The following SP6 variants were observed in gnomAD, a reference collection of about 807,000 sequenced individuals.
The protein encoded by SP6 is Sp6 transcription factor.
In SP6, 10 loss-of-function variants were observed where a neutral mutation model predicts 23.4. The ratio of observed to expected loss-of-function variants is 0.43; its 90% CI spans 0.26 to 0.72. The LOEUF (loss-of-function observed/expected upper bound fraction) is 0.72. Among genes scored for constraint, SP6 ranks in the 30% least tolerant of loss-of-function variants. SP6 has a pLI of 0.23. For synonymous variants in SP6, 238 were observed against 238.7 expected (o/e 1.00, Z 0.03); for missense variants, 482 against 523.8 (o/e 0.92, Z 0.78).
the SP6 span, among the ~76,000 whole-genome samples, chr17:47,868,575 G>A: frequency 1.3e-5 from 2 of 152,168 alleles, no homozygotes; most frequent in African/African-American, 2.4e-5. Flanking sequence ...TCACACTCAC[G>A]AGGCCCTCAC....
the SP6 span, among the ~76,000 whole-genome samples, chr17:47,862,217 G>C: frequency 3.6e-4 from 55 of 152,130 alleles, 1 homozygote; most frequent in Admixed American, 1.9e-3. Flanking sequence ...GGTGGCGGGT[G>C]CCTATAATCC....
chr17:47,863,923 A>G, the SP6 span, among the ~76,000 whole-genome samples: 29,223 of 149,308 alleles, frequency 0.2, 3,708 homozygotes, highest in Non-Finnish European at 0.28. Flanking sequence ...TATTTTTAGT[A>G]GAGATGGGGT....
At chr17:47,854,401 G>C (rs1475368022), upstream of SP6, among the ~76,000 whole-genome samples, 8 of 152,186 alleles carry the variant, frequency 5.3e-5, no homozygotes, top group East Asian at 1.5e-3. Flanking sequence ...ATCTACCCAA[G>C]ATTACAGAGT....
the SP6 span, among the ~76,000 whole-genome samples, chr17:47,873,931 T>C: frequency 6.7e-6 from 1 of 149,540 alleles, no homozygotes; most frequent in Non-Finnish European, 1.5e-5. Flanking sequence ...TTCTTCTTCC[T>C]TCTCTTCTCC....
At chr17:47,866,850 G>A in the SP6 span, among the ~76,000 whole-genome samples, 2 of 152,268 alleles carry the variant, frequency 1.3e-5, no homozygotes, top group African/African-American at 2.4e-5. Context: ...GGCAAGGAGA[G>A]GGCAGTGGGG....
At chr17:47,861,422 T>A in the SP6 span, among the ~76,000 whole-genome samples, 2 of 152,162 alleles carry the variant, frequency 1.3e-5, no homozygotes. Context: ...ATCTTTCAAG[T>A]GCCTAGAGTA....
the SP6 span, among the ~76,000 whole-genome samples, chr17:47,865,846 T>C: frequency 6.6e-6 from 1 of 151,944 alleles, no homozygotes; most frequent in Non-Finnish European, 1.5e-5. Flanking sequence ...CCATTTCACC[T>C]CTCCTGGTCT....
At chr17:47,866,860 G>A in the SP6 span, among the ~76,000 whole-genome samples, 1 of 152,174 alleles carries the variant, frequency 6.6e-6, no homozygotes, top group Non-Finnish European at 1.5e-5. Flanking sequence ...GGGCAGTGGG[G>A]AGATGGAAAG....
the SP6 span, among the ~76,000 whole-genome samples, chr17:47,873,344 G>C: frequency 1.3e-5 from 2 of 152,140 alleles, no homozygotes. Context: ...AGATGAAAGA[G>C]CCCAAAGTAC....
the SP6 span, among the ~76,000 whole-genome samples, chr17:47,867,635 C>T: frequency 6.6e-6 from 1 of 151,442 alleles, no homozygotes; most frequent in Non-Finnish European, 1.5e-5. Flanking sequence ...CCCCCATGGA[C>T]CCACTCAGCT....
chr17:47,853,641 C>T (rs2033978044), upstream of SP6, among the ~76,000 whole-genome samples: 1 of 152,232 alleles, frequency 6.6e-6, no homozygotes, highest in Middle Eastern at 3.4e-3. Context: ...GGATTCAGCC[C>T]GAGGATGGTA....
At chr17:47,860,828 C>G (rs2143668442), upstream of SP6, among the ~76,000 whole-genome samples, 1 of 152,352 alleles carries the variant, frequency 6.6e-6, no homozygotes, top group Non-Finnish European at 1.5e-5. Context: ...GACCCTTCCT[C>G]TTTCACCCTG....
chr17:47,852,285 A>T (rs999939932), upstream of SP6, among the ~76,000 whole-genome samples: 4 of 152,062 alleles, frequency 2.6e-5, no homozygotes, highest in African/African-American at 7.2e-5. Context: ...CAAGATCTGG[A>T]TGGGTCGACA....
the SP6 span, among the ~76,000 whole-genome samples, chr17:47,873,130 T>G: frequency 3.3e-5 from 5 of 152,070 alleles, no homozygotes; most frequent in African/African-American, 1.2e-4. Flanking sequence ...GCAAACCAAA[T>G]GCAAATACAT....
In SP6 at chr17:47,848,421, G is replaced by T. The variant is rs750092295; in HGVS notation, c.9C>A (p.Thr3=). Residue 3 remains threonine, a synonymous_variant, in exon 2 of 2, where the codon ACC becomes ACA. Transcript: ENST00000536300. The surrounding 1 kb of genome is among the most constrained non-coding windows in gnomAD (Gnocchi z 5.3). ...GGCTGCCCAGAGAGCCGCAGACAGC[G>T]GTTAGCATTGCCGGGATCCGGGGTG... ML[T]AVCGSLGSQH... 1.3e-6 allele frequency: 2 copies of T among 1,512,842 alleles called. No individual in the cohort carries two copies. Among genetic ancestry groups the T allele is most frequent in the East Asian group, 2.4e-5 (1 of 41,318 alleles). The allele number at this position is 1,512,842 out of a possible 1,614,324, so 93.7% of individuals were successfully genotyped here.
chr17:47,859,786 G>A (rs942370610), upstream of SP6, among the ~76,000 whole-genome samples: 5 of 152,222 alleles, frequency 3.3e-5, no homozygotes, highest in Admixed American at 3.3e-4. Flanking sequence ...TGCAGGGTTG[G>A]AGTGAGGGCT....
rs939061107 is a variant in SP6, at chr17:47,847,834, G to T, written c.596C>A (p.Ser199Tyr). The change falls in exon 2 of 2, where the codon TCT becomes TAT. Residue 199 changes from serine to tyrosine, a missense_variant. Coordinates refer to ENST00000536300, the MANE Select transcript of SP6 (RefSeq NM_001258248.2). ...GTCCAGGCTGGAATCCAGCCCTTGA[G>T]ACTCCGGGGCGGCTACTTCCAAGGC... Reference protein sequence around the residue: ...AKALEVAAPESQGLDSSLDGA... With the variant: ...AKALEVAAPEYQGLDSSLDGA... The T allele has an allele frequency of 3.3e-6, 5 of 1,522,810 alleles. No individual in the cohort carries two copies. The Admixed American group carries it at 6.6e-5, about 20-fold the overall frequency. The allele number at this position is 1,522,810 out of a possible 1,614,324, so 94.3% of individuals were successfully genotyped here.
chr17:47,851,933 C>CTACCTAAGTG, upstream of SP6, among the ~76,000 whole-genome samples: 1 of 151,786 alleles, frequency 6.6e-6, no homozygotes, highest in Non-Finnish European at 1.5e-5. Context: ...CTCTGCCCCT[C>CTACCTAAGTG]CCCTTAGGTA....
chr17:47,859,057 G>C (rs1039501429), upstream of SP6, among the ~76,000 whole-genome samples: 3 of 152,066 alleles, frequency 2.0e-5, no homozygotes, highest in Non-Finnish European at 4.4e-5. Context: ...TTACAGGCGT[G>C]AGATATGATG....
Sources: allele counts gnomAD v4.1 joint callset (sites outside exome capture counted in the v4.1 genomes callset), GRCh38; gene constraint gnomAD v4.1.1; non-coding constraint Gnocchi (gnomAD v3.1); transcripts MANE v1.5; gene names NCBI Gene and HGNC (gene_info 2026-07-23, HGNC 2026-07-21).